TMEM117: variants seen among roughly 807,000 people sequenced by gnomAD.
The protein encoded by TMEM117 is transmembrane protein 117.
In TMEM117, 27 loss-of-function variants were observed where a neutral mutation model predicts 52.4. The observed-to-expected ratio is 0.51, with a 90% CI of 0.38 to 0.71. The LOEUF (loss-of-function observed/expected upper bound fraction) is 0.71. Ranked by LOEUF, TMEM117 falls within the 30% of genes least tolerant of loss-of-function variation. The probability of loss-of-function intolerance (pLI) is 0.00; values close to 1 mark genes in which losing one functional copy is unlikely to be tolerated. For missense variants in TMEM117, 556 were observed against 630.5 expected (o/e 0.88, Z 1.26); for synonymous variants, 215 against 206.3 (o/e 1.04, Z -0.36).
chr12:44,122,333 C>A (rs1948250745), intron 3 of TMEM117, among the ~76,000 whole-genome samples: 1 of 152,142 alleles, frequency 6.6e-6, no homozygotes, highest in Non-Finnish European at 1.5e-5. Context: ...CATGAGCCAC[C>A]ATGCCCAGCC....
chr12:44,043,334 G>A (rs117670591), intron 3 of TMEM117, among the ~76,000 whole-genome samples: 6,481 of 152,244 alleles, frequency 0.043, 188 homozygotes, highest in South Asian at 0.084. Flanking sequence ...GACCTGCAAC[G>A]AAAGATGGAT....
chr12:44,035,686 A>G (rs1199790976), intron 3 of TMEM117, among the ~76,000 whole-genome samples: 2 of 152,180 alleles, frequency 1.3e-5, no homozygotes, highest in Non-Finnish European at 1.5e-5. Flanking sequence ...TTATTAATGT[A>G]TTGAATCTGG....
chr12:44,258,689 T>C (rs74439966), intron 5 of TMEM117, among the ~76,000 whole-genome samples: 2,655 of 152,264 alleles, frequency 0.017, 61 homozygotes, highest in East Asian at 0.057. Flanking sequence ...TAGTCAGGGT[T>C]TCTTTTAAGT....
At chr12:44,194,699 C>T (rs1949395891) in intron 4 of TMEM117, among the ~76,000 whole-genome samples, 1 of 151,916 alleles carries the variant, frequency 6.6e-6, no homozygotes, top group Admixed American at 6.6e-5. Context: ...GGTGGCATGG[C>T]ACACACCTGT....
chr12:43,803,579 G>A, the TMEM117 span, among the ~76,000 whole-genome samples: 22 of 152,034 alleles, frequency 1.4e-4, no homozygotes, highest in Non-Finnish European at 2.8e-4. Context: ...TTTTCCTTCC[G>A]TAGAGATGCT....
At chr12:43,862,188 A>G (rs1037056637) in intron 2 of TMEM117, among the ~76,000 whole-genome samples, 1 of 152,154 alleles carries the variant, frequency 6.6e-6, no homozygotes, top group Non-Finnish European at 1.5e-5. Context: ...TCTTTTTTTG[A>G]GATGGAGTCT....
At chr12:43,877,444 G>A (rs935396491) in intron 2 of TMEM117, among the ~76,000 whole-genome samples, 2 of 151,876 alleles carry the variant, frequency 1.3e-5, no homozygotes, top group African/African-American at 2.4e-5. Context: ...GACCAGCCTG[G>A]CCAACATTGT....
chr12:44,199,945 C>G (rs904647701), intron 4 of TMEM117, among the ~76,000 whole-genome samples: 3 of 151,990 alleles, frequency 2.0e-5, no homozygotes, highest in African/African-American at 7.3e-5. Flanking sequence ...TGGTGAAATC[C>G]CATCTCTACT....
At position 44,237,340 on chromosome 12, in the gene TMEM117, T is replaced by C. The variant is rs533629992; in HGVS notation, c.608+25953T>C. Among the ~76,000 whole-genome samples, 3 of 152,082 alleles carry C rather than the reference T, an allele frequency of 2.0e-5. No individual in the cohort carries two copies. In the East Asian group the frequency reaches 5.8e-4, roughly 29 times the overall value. On this transcript the variant is annotated intron_variant, in intron 5 of 7. Coordinates refer to ENST00000266534, the MANE Select transcript of TMEM117 (RefSeq NM_032256.3). ...AGGTTTTTTTTTTACCTTCATAGAA[T>C]ATAATTCTTTCCATTACAGCACATA...
intron 2 of TMEM117, among the ~76,000 whole-genome samples, chr12:43,893,501 C>G (rs1237213529): frequency 1.3e-5 from 2 of 152,040 alleles, no homozygotes; most frequent in African/African-American, 4.8e-5. Context: ...CAAAATTCTG[C>G]CTTTTTCAGT....
chr12:44,292,714 C>T (rs1055540393), intron 5 of TMEM117, among the ~76,000 whole-genome samples: 6 of 151,910 alleles, frequency 3.9e-5, no homozygotes, highest in Admixed American at 6.6e-5. Flanking sequence ...TCTTCTTTGA[C>T]CCATTGGTTG....
intron 3 of TMEM117, among the ~76,000 whole-genome samples, chr12:44,005,102 G>C (rs1344376764): frequency 2.6e-5 from 4 of 152,166 alleles, no homozygotes; most frequent in Admixed American, 6.5e-5. Flanking sequence ...TCACATGTGT[G>C]CATTTAATTC....
intron 3 of TMEM117, among the ~76,000 whole-genome samples, chr12:43,951,958 G>C (rs975735554): frequency 1.3e-5 from 2 of 152,200 alleles, no homozygotes; most frequent in African/African-American, 4.8e-5. Context: ...CGCAATCTTT[G>C]CTGTTCTGCA....
chr12:44,297,383 G>A (rs938120367), intron 5 of TMEM117, among the ~76,000 whole-genome samples: 2 of 152,146 alleles, frequency 1.3e-5, no homozygotes, highest in African/African-American at 4.8e-5. Flanking sequence ...CAATAGAATA[G>A]ACACTGGCTA....
rs2137332161 is a variant in TMEM117, at chr12:43,836,157, T to G, written c.-68T>G. On this transcript the variant is annotated 5_prime_UTR_variant, in exon 1 of 8. Transcript: ENST00000266534. ...GCCGAGGGCTGTGCTCGACCGCGAA[T>G]CCCGTGTGCAGTCGCCCCGCGCCCC... 6.6e-6 allele frequency: 1 copy of G among 152,078 alleles called. No individual in the cohort carries two copies. Among genetic ancestry groups the G allele is most frequent in the Admixed American group, 6.5e-5 (1 of 15,282 alleles). 9.4% of individuals were successfully genotyped at this position (152,078 alleles called of 1,614,324 possible). A position where few individuals can be genotyped will look rare whatever the true frequency, so the allele number is the denominator to read the frequency against.
intron 3 of TMEM117, among the ~76,000 whole-genome samples, chr12:43,972,564 C>G (rs1055934858): frequency 1.3e-5 from 2 of 152,146 alleles, no homozygotes; most frequent in African/African-American, 4.8e-5. Context: ...GCTGATTGGT[C>G]TGTTTTACAG....
chr12:44,364,477 C>A (rs73088702), intron 6 of TMEM117, among the ~76,000 whole-genome samples: 5,159 of 152,028 alleles, frequency 0.034, 104 homozygotes, highest in Middle Eastern at 0.13. Flanking sequence ...TTCAACCTCA[C>A]AATAACATTA....
chr12:43,986,901 AT>A, intron 3 of TMEM117, among the ~76,000 whole-genome samples: 2 of 151,998 alleles, frequency 1.3e-5, no homozygotes. Context: ...TTAAGGCTAT[AT>A]TTTTTTATTT....
At chr12:43,868,140 CCTT>C (rs1289737352) in intron 2 of TMEM117, among the ~76,000 whole-genome samples, 1 of 150,378 alleles carries the variant, frequency 6.6e-6, no homozygotes, top group African/African-American at 2.4e-5. Context: ...CTGTCTCTCT[CCTT>C]CTCTCTCTCT....
Sources: allele counts gnomAD v4.1 joint callset (sites outside exome capture counted in the v4.1 genomes callset), GRCh38; gene constraint gnomAD v4.1.1; transcripts MANE v1.5; gene names NCBI Gene and HGNC (gene_info 2026-07-23, HGNC 2026-07-21).